RBFOX1: variants seen among roughly 807,000 people sequenced by gnomAD.
RBFOX1 encodes the protein RNA binding protein fox-1 homolog 1.
Under a neutral mutation model 57.7 loss-of-function variants are expected in RBFOX1, and 8 were observed. The ratio of observed to expected loss-of-function variants is 0.14; its 90% CI spans 0.08 to 0.25. The LOEUF (loss-of-function observed/expected upper bound fraction) is 0.25, where lower values mean the gene tolerates loss of function less well. Ranked by LOEUF, RBFOX1 falls within the 10% of genes least tolerant of loss-of-function variation. RBFOX1 has a pLI of 1.00. For missense variants in RBFOX1, 611 were observed against 548.5 expected (o/e 1.11, Z -1.14); for synonymous variants, 326 against 222.4 (o/e 1.47, Z -4.15).
intron 3 of RBFOX1, among the ~76,000 whole-genome samples, chr16:6,663,929 C>G (rs17140881): frequency 0.054 from 8,165 of 152,238 alleles, 259 homozygotes; most frequent in Non-Finnish European, 0.064. Flanking sequence ...GGAAAAGTGG[C>G]TAGAGATAAA....
intron 4 of RBFOX1, among the ~76,000 whole-genome samples, chr16:7,295,291 A>T (rs1446577711): frequency 1.3e-5 from 2 of 152,182 alleles, no homozygotes; most frequent in African/African-American, 4.8e-5. Flanking sequence ...ACAAAAAGAA[A>T]ATTGTATCTG....
chr16:6,454,633 C>T (rs2094715058), intron 2 of RBFOX1, among the ~76,000 whole-genome samples: 1 of 152,114 alleles, frequency 6.6e-6, no homozygotes, highest in South Asian at 2.1e-4. Flanking sequence ...TTTACTAATA[C>T]TGAATATATA....
intron 3 of RBFOX1, among the ~76,000 whole-genome samples, chr16:6,800,582 C>A (rs1031711697): frequency 3.9e-5 from 6 of 152,088 alleles, no homozygotes; most frequent in Non-Finnish European, 8.8e-5. Context: ...CCGGTAATCA[C>A]CTGGCCGGAT....
intron 2 of RBFOX1, among the ~76,000 whole-genome samples, chr16:5,523,818 G>A (rs1336449185): frequency 6.6e-6 from 1 of 152,126 alleles, no homozygotes; most frequent in Non-Finnish European, 1.5e-5. Flanking sequence ...TTGGAAGTAG[G>A]AAGAGAACAA....
chr16:7,445,078 A>T (rs1447430196), intron 4 of RBFOX1, among the ~76,000 whole-genome samples: 1 of 149,290 alleles, frequency 6.7e-6, no homozygotes, highest in Non-Finnish European at 1.5e-5. Flanking sequence ...GCCCGGAAAA[A>T]TACTGTCTTG....
At chr16:6,770,875 C>T (rs899449772) in intron 3 of RBFOX1, among the ~76,000 whole-genome samples, 1 of 152,142 alleles carries the variant, frequency 6.6e-6, no homozygotes, top group Non-Finnish European at 1.5e-5. Context: ...GATAATGCAA[C>T]ACAGTTGTCA....
At chr16:5,611,544 G>T (rs987046287) in intron 3 of RBFOX1, 1 of 152,022 alleles carries the variant, frequency 6.6e-6, no homozygotes, top group African/African-American at 2.4e-5. Context: ...TTGCACTTCT[G>T]TGTACTCAAC....
chr16:7,181,981 A>G (rs2152527878), intron 4 of RBFOX1, among the ~76,000 whole-genome samples: 1 of 152,348 alleles, frequency 6.6e-6, no homozygotes, highest in South Asian at 2.1e-4. Flanking sequence ...TAACAGAGAT[A>G]GTGAATAACA....
intron 1 of RBFOX1, among the ~76,000 whole-genome samples, chr16:6,268,773 G>A (rs1436140583): frequency 6.6e-6 from 1 of 152,130 alleles, no homozygotes; most frequent in Non-Finnish European, 1.5e-5. Context: ...ATTAAAAATA[G>A]TTATAAGTGG....
intron 1 of RBFOX1, among the ~76,000 whole-genome samples, chr16:5,417,150 T>C (rs186564155): frequency 3.6e-4 from 55 of 152,360 alleles, no homozygotes; most frequent in African/African-American, 1.3e-3. Flanking sequence ...CCACCTGACA[T>C]TAAGCAGCCT....
At chr16:7,519,742 C>T (rs550184324) in intron 5 of RBFOX1, 1 of 981,870 alleles carries the variant, frequency 1.0e-6, no homozygotes, top group Non-Finnish European at 1.2e-6. Context: ...CGTCCTGTCC[C>T]AAGACCTCAG....
rs999271662 is a variant in RBFOX1, at chr16:6,536,461, C to T, written c.-63-118142C>T. On this transcript the variant is annotated intron_variant, in intron 2 of 15. Coordinates refer to ENST00000550418, the MANE Select transcript of RBFOX1 (RefSeq NM_018723.4). ...AATGCATAATATGATATGGGACATC[C>T]CTCATAAATTCCGTATCATCAGAGT... 4.6e-5 allele frequency among the ~76,000 whole-genome samples: 7 copies of T among 152,154 alleles called. No homozygotes were observed. The South Asian group carries it at 6.2e-4, about 14-fold the overall frequency.
chr16:7,297,259 A>C (rs945043801), intron 4 of RBFOX1, among the ~76,000 whole-genome samples: 2 of 152,206 alleles, frequency 1.3e-5, no homozygotes, highest in African/African-American at 4.8e-5. Flanking sequence ...TGTAAAGACA[A>C]ACTACCCCAC....
intron 4 of RBFOX1, among the ~76,000 whole-genome samples, chr16:7,482,503 A>G (rs2064234170): frequency 2.0e-5 from 3 of 147,620 alleles, no homozygotes; most frequent in Middle Eastern, 3.4e-3. Context: ...TGTTTCTTAA[A>G]TCAAGAGTTT....
At chr16:7,290,812 A>G (rs895426447) in intron 4 of RBFOX1, among the ~76,000 whole-genome samples, 1 of 152,218 alleles carries the variant, frequency 6.6e-6, no homozygotes, top group Admixed American at 6.5e-5. Context: ...TGTAATGTTT[A>G]GAAGCAGACA....
At chr16:6,628,007 G>C (rs568156907) in intron 2 of RBFOX1, among the ~76,000 whole-genome samples, 1 of 152,340 alleles carries the variant, frequency 6.6e-6, no homozygotes, top group East Asian at 1.9e-4. Flanking sequence ...TACTGCAGCA[G>C]AGCAATGTCT....
At chr16:5,470,220 A>G (rs1433706849) in intron 2 of RBFOX1, among the ~76,000 whole-genome samples, 1 of 152,218 alleles carries the variant, frequency 6.6e-6, no homozygotes, top group East Asian at 1.9e-4. Flanking sequence ...TGCATGTGGA[A>G]CATCAGCCCT....
At chr16:5,600,534 C>T (rs541684479), downstream of RBFOX1, among the ~76,000 whole-genome samples, 141 of 150,918 alleles carry the variant, frequency 9.3e-4, no homozygotes, top group African/African-American at 3.4e-3. Context: ...GGGCCTTGTC[C>T]ATGAGTGTGC....
At position 6,551,930 on chromosome 16, in the gene RBFOX1, T is replaced by G. The variant is rs1861217; in HGVS notation, c.-63-102673T>G. Among the ~76,000 whole-genome samples the G allele has an allele frequency of 2.6e-5, 4 of 152,336 alleles. No individual in the cohort carries two copies. In the South Asian group the frequency reaches 8.3e-4, roughly 32 times the overall value. On this transcript the variant is annotated intron_variant, in intron 2 of 15. Coordinates refer to ENST00000550418, the MANE Select transcript of RBFOX1 (RefSeq NM_018723.4). The stretch of plus-strand genomic sequence containing the variant: ...AGGATCCAGTCTACTCTTTAAATTT[T>G]TGAGAGTTATTTGGATTTCAGAAGG...
Sources: gnomAD v4.1 joint callset for allele counts (sites outside exome capture counted in the v4.1 genomes callset) on GRCh38, gnomAD v4.1.1 for gene constraint, MANE v1.5 for transcripts, NCBI Gene and HGNC (gene_info 2026-07-23, HGNC 2026-07-21) for gene names.